SPAST: variants seen among roughly 807,000 people sequenced by gnomAD.
SPAST encodes spastin, also known as spastic paraplegia 4 (autosomal dominant; spastin).
In SPAST, 30 loss-of-function variants were observed where a neutral mutation model predicts 76.6. That is an observed-to-expected ratio of 0.39 (90% CI 0.29 to 0.53). The LOEUF is 0.53. Among genes scored for constraint, SPAST ranks in the 20% least tolerant of loss-of-function variants. SPAST has a pLI of 0.68. For synonymous variants in SPAST, 305 were observed against 281.0 expected (o/e 1.09, Z -0.86); for missense variants, 717 against 770.5 (o/e 0.93, Z 0.82).
chr2:32,107,822 A>G (rs1265982565), intron 4 of SPAST, among the ~76,000 whole-genome samples: 1 of 152,162 alleles, frequency 6.6e-6, no homozygotes, highest in Non-Finnish European at 1.5e-5. Context: ...TTTAATACAC[A>G]GTGAGTCCAA....
intron 9 of SPAST, among the ~76,000 whole-genome samples, chr2:32,132,248 G>A (rs922443044): frequency 2.3e-4 from 35 of 151,988 alleles, no homozygotes; most frequent in African/African-American, 7.2e-4. Flanking sequence ...AAAATTAGTC[G>A]GGCGTGGTGG....
chr2:32,136,643 G>C lies in SPAST; in HGVS notation c.1321+5G>C. 6.2e-7 allele frequency: 1 copy of C among 1,605,548 alleles called. No homozygotes were observed. The highest frequency in any genetic ancestry group is 8.5e-7 in the Non-Finnish European group (1 of 1,172,474). On this transcript the variant is annotated splice_donor_5th_base_variant and intron_variant, in intron 10 of 16. Coordinates refer to ENST00000315285, the MANE Select transcript of SPAST (RefSeq NM_014946.4). The stretch of plus-strand genomic sequence containing the variant: ...AACCTTCTATAATTTTTATAGGTAA[G>C]AACATATTTTCCAACTAAGTTATTG...
In SPAST at chr2:32,137,118, G is replaced by T; in HGVS notation, c.1423G>T (p.Ala475Ser). The T allele has an allele frequency of 6.2e-7, 1 of 1,613,614 alleles. No homozygotes were observed. The highest frequency in any genetic ancestry group is 1.1e-5 in the South Asian group (1 of 91,070). Reference sequence around the variant, plus strand: ...GATTTTTTGCTTGTAGGTACAGTCTGCTGGAGATGACAGAGTACTTGTAAT... The same window carrying T: ...GATTTTTTGCTTGTAGGTACAGTCTTCTGGAGATGACAGAGTACTTGTAAT... ...FLIEFDGVQS[A>S]GDDRVLVMGA... is the part of the protein sequence containing the mutation. Residue 475 changes from alanine (A) to serine (S), a missense_variant, in exon 12 of 17, where the codon GCT (alanine) becomes TCT (serine). Ala to Ser is a moderately conservative substitution (Grantham distance 99). Coordinates refer to ENST00000315285, the MANE Select transcript of SPAST (RefSeq NM_014946.4).
Position 32,064,091 on chromosome 2 carries a change from T to G in SPAST, c.260T>G (p.Met87Arg). Residue 87 changes from methionine to arginine, a missense_variant, in exon 1 of 17, where the codon ATG becomes AGG. Physicochemically the swap from Met to Arg is moderately conservative, Grantham distance 91. Around this residue, in one of 3 missense-constraint regions of SPAST, gnomAD observed 543 missense variants for 445.2 expected, o/e 1.22. Coordinates refer to ENST00000315285, the MANE Select transcript of SPAST (RefSeq NM_014946.4). ...WLCQRFSRAL[M>R]AAKRSSGAAP... The stretch of plus-strand genomic sequence containing the variant: ...TGCCAGCGCTTCTCCCGCGCCCTCA[T>G]GGCAGCCAAGAGGAGCTCCGGGGCC... 6.2e-7 allele frequency: 1 copy of G among 1,610,984 alleles called. No individual in the cohort carries two copies. The highest frequency in any genetic ancestry group is 8.5e-7 in the Non-Finnish European group (1 of 1,178,860).
chr2:32,074,359 A>G (rs908113916), intron 1 of SPAST, among the ~76,000 whole-genome samples: 1 of 152,196 alleles, frequency 6.6e-6, no homozygotes, highest in African/African-American at 2.4e-5. Flanking sequence ...ACATAATTGT[A>G]GAGTGGTCTT....
intron 7 of SPAST, among the ~76,000 whole-genome samples, chr2:32,117,176 C>G (rs1678866441): frequency 2.6e-5 from 4 of 151,984 alleles, no homozygotes; most frequent in African/African-American, 9.7e-5. Context: ...TCGCTTGAAC[C>G]CGGGAGGCGG....
intron 1 of SPAST, among the ~76,000 whole-genome samples, chr2:32,068,883 G>A (rs1007914153): frequency 6.8e-6 from 1 of 148,114 alleles, no homozygotes; most frequent in African/African-American, 2.5e-5. Flanking sequence ...TGAGAAGAGT[G>A]AGACTCCATC....
At chr2:32,092,093 T>A (rs1677741671) in intron 3 of SPAST, among the ~76,000 whole-genome samples, 1 of 152,196 alleles carries the variant, frequency 6.6e-6, no homozygotes, top group Non-Finnish European at 1.5e-5. Context: ...TACATATACA[T>A]TTTATTCATT....
intron 4 of SPAST, among the ~76,000 whole-genome samples, chr2:32,110,600 CACTATATACTATATAGTGTAT>C (rs1443189268): frequency 8.0e-6 from 1 of 124,914 alleles, no homozygotes; most frequent in South Asian, 2.4e-4. Context: ...ATCGTATATA[CACTATATACTATATAGTGTAT>C]ATATAGTATA....
intron 3 of SPAST, among the ~76,000 whole-genome samples, chr2:32,091,242 A>G (rs1677701626): frequency 8.0e-6 from 1 of 124,478 alleles, no homozygotes; most frequent in Non-Finnish European, 1.6e-5. Flanking sequence ...TTGTAATATG[A>G]AGCTATTATT....
intron 1 of SPAST, among the ~76,000 whole-genome samples, chr2:32,072,276 C>G (rs763021820): frequency 1.3e-5 from 2 of 152,092 alleles, no homozygotes; most frequent in Non-Finnish European, 2.9e-5. Flanking sequence ...ATCTCTTGAC[C>G]TCGTGATTCA....
At chr2:32,137,034 A>G in intron 11 of SPAST, 66 bp downstream of exon 11, 17 of 1,542,096 alleles carry the variant, frequency 1.1e-5, no homozygotes, top group Non-Finnish European at 1.5e-5. Flanking sequence ...TAAATGGCCA[A>G]GGTTAAAAAT....
intron 3 of SPAST, among the ~76,000 whole-genome samples, chr2:32,097,648 A>G (rs1046372806): frequency 2.0e-5 from 3 of 149,146 alleles, no homozygotes; most frequent in Non-Finnish European, 4.5e-5. Context: ...ATTCTGTGCT[A>G]CTTTAAATGC....
At position 32,093,023 on chromosome 2, in the gene SPAST, C is replaced by T. The variant is rs183062883; in HGVS notation, c.586+3418C>T. Among the ~76,000 whole-genome samples the T allele has an allele frequency of 1.9e-3, 263 of 140,628 alleles. 2 individuals are homozygous for T. Among genetic ancestry groups the T allele is most frequent in the African/African-American group, 6.7e-3 (251 of 37,638 alleles). The allele number at this position is 140,628 out of a possible 152,430, so 92.3% of individuals were successfully genotyped here. On this transcript the variant is annotated intron_variant, in intron 3 of 16. Transcript: ENST00000315285. ...CTCCGTCTCAAAAAAAAAAAAACGC[C>T]GGGCACTGTGGCTCACACCTGTAAT...
At chr2:32,083,697 A>G (rs1258576310) in intron 1 of SPAST, among the ~76,000 whole-genome samples, 2 of 133,776 alleles carry the variant, frequency 1.5e-5, no homozygotes, top group Admixed American at 8.2e-5. Context: ...TATATAGAGT[A>G]TATATATTTT....
Position 32,137,126 on chromosome 2 carries a change from T to C in SPAST, c.1431T>C (p.Asp477=). 1 of 1,613,944 alleles carries C rather than the reference T, an allele frequency of 6.2e-7. No individual in the cohort carries two copies. Among genetic ancestry groups the C allele is most frequent in the Non-Finnish European group, 8.5e-7 (1 of 1,179,828 alleles). The change falls in exon 12 of 17, where the codon GAT becomes GAC. Residue 477 remains aspartate, a synonymous_variant. Transcript: ENST00000315285. ...IEFDGVQSAG[D]DRVLVMGATN... is the part of the protein sequence containing the mutation. Reference sequence around the variant, plus strand: ...GCTTGTAGGTACAGTCTGCTGGAGATGACAGAGTACTTGTAATGGGTGCAA... The same window carrying C: ...GCTTGTAGGTACAGTCTGCTGGAGACGACAGAGTACTTGTAATGGGTGCAA...
chr2:32,073,648 C>T (rs558422815), intron 1 of SPAST, among the ~76,000 whole-genome samples: 2 of 152,234 alleles, frequency 1.3e-5, no homozygotes, highest in South Asian at 4.1e-4. Flanking sequence ...CACTCTTGAC[C>T]TATAATAGTC....
intron 1 of SPAST, among the ~76,000 whole-genome samples, chr2:32,069,652 G>A (rs906192118): frequency 8.0e-5 from 12 of 150,648 alleles, no homozygotes; most frequent in African/African-American, 2.4e-4. Flanking sequence ...CGCCTCCCAC[G>A]TTCACGCCAT....
chr2:32,145,030 C>G (rs1679842721), intron 15 of SPAST, 23 bp downstream of exon 15: 1 of 1,551,042 alleles, frequency 6.4e-7, no homozygotes, highest in South Asian at 1.1e-5. Context: ...GAGCTTAAAA[C>G]ATTTAGAACT....
Sources: gnomAD v4.1 joint callset for allele counts (sites outside exome capture counted in the v4.1 genomes callset) on GRCh38, gnomAD v4.1.1 for gene constraint, gnomAD v4.1.1 regional missense constraint, MANE v1.5 for transcripts, NCBI Gene and HGNC (gene_info 2026-07-23, HGNC 2026-07-21) for gene names.